The following EQTN variants were observed in gnomAD, a reference collection of about 807,000 sequenced individuals.
EQTN encodes the protein equatorin.
In EQTN, 29 loss-of-function variants were observed where a neutral mutation model predicts 26.9. The ratio of observed to expected loss-of-function variants is 1.08; its 90% CI spans 0.80 to 1.47. The LOEUF is 1.47. Ranked by LOEUF, EQTN falls within the 40% of genes most tolerant of loss-of-function variation. The pLI, the probability that EQTN is intolerant of heterozygous loss-of-function variation, is 0.00. For missense variants in EQTN, 391 were observed against 346.1 expected, an observed-to-expected ratio of 1.13 and a Z score of -1.03; for synonymous variants, 129 against 120.0, an observed-to-expected ratio of 1.07 and a Z score of -0.49.
At chr9:27,294,565 G>A (rs1820300263) in intron 2 of EQTN, 163 bp from the exon 3 acceptor site, 3 of 414,146 alleles carry the variant, frequency 7.2e-6, no homozygotes, top group Admixed American at 4.0e-5. Flanking sequence ...AGTGGGGCAA[G>A]GGTCAAATCT....
At chr9:27,285,030 CAGCTT>C in intron 7 of EQTN, 58 bp from the exon 8 acceptor site, 1 of 1,492,914 alleles carries the variant, frequency 6.7e-7, no homozygotes, top group Non-Finnish European at 9.0e-7. Context: ...ATTTGTAACT[CAGCTT>C]AGAAAAGCAT....
At chr9:27,292,517 T>G (rs775333584) in intron 3 of EQTN, 30 bp from the exon 4 acceptor site, 2 of 1,386,524 alleles carry the variant, frequency 1.4e-6, no homozygotes, top group Admixed American at 3.6e-5. Flanking sequence ...ATTATCAGCA[T>G]GTAAAAATAC....
At position 27,296,617 on chromosome 9, in the gene EQTN, T is replaced by C. The variant is rs1281683337; in HGVS notation, c.198A>G (p.Lys66=). The change falls in exon 2 of 8, where the codon AAA becomes AAG. Residue 66 remains lysine (K), a synonymous_variant. Transcript: ENST00000380032. ...CTATTCACTTTAAAGACTTACATTG[T>C]TTTATATCTTTATAATAATTGCCAT... ...EKNGNYYKDI[K]QYVFTTQNPN... 6 of 1,514,598 alleles carry C rather than the reference T, an allele frequency of 4.0e-6. No homozygotes were observed. The African/African-American group carries it at 6.8e-5, about 17-fold the overall frequency. 93.8% of individuals were successfully genotyped at this position (1,514,598 alleles called of 1,614,324 possible).
intron 6 of EQTN, among the ~76,000 whole-genome samples, chr9:27,288,506 TATTC>T (rs1474788832): frequency 4.6e-5 from 7 of 152,300 alleles, no homozygotes; most frequent in Non-Finnish European, 1.0e-4. Flanking sequence ...CCAGAAATCA[TATTC>T]ATAGGTATTT....
rs544842895 is a variant in EQTN at position 27,289,765 on chromosome 9, G to A, written c.422-34C>T. 131 of 1,552,588 alleles carry A rather than the reference G, an allele frequency of 8.4e-5. 1 individual carries two copies. The highest frequency in any genetic ancestry group is 7.4e-4 in the South Asian group (63 of 85,034). On this transcript the variant is annotated intron_variant, in intron 5 of 7. Coordinates refer to ENST00000380032, the MANE Select transcript of EQTN (RefSeq NM_020641.3). ...ACAAATTGGGGTTATGGTAAACAAC[G>A]TTCACTTACTAAAATTATTGCCTGT... is the stretch of plus-strand genomic sequence containing the variant.
At chr9:27,294,702 A>T (rs1025340437) in intron 2 of EQTN, among the ~76,000 whole-genome samples, 2 of 152,174 alleles carry the variant, frequency 1.3e-5, no homozygotes, top group African/African-American at 4.8e-5. Flanking sequence ...AGATTTGTAG[A>T]TGTGCAACAT....
intron 5 of EQTN, 44 bp downstream of exon 5, chr9:27,290,975 G>A (rs1180843464): frequency 1.4e-5 from 22 of 1,584,360 alleles, no homozygotes; most frequent in Non-Finnish European, 1.9e-5. Flanking sequence ...TAAGATTTTA[G>A]AAAACCAAAA....
rs1820078748 is a variant in EQTN at position 27,284,666 on chromosome 9, A to T, written c.*57T>A. ...ATAAAGAAAGGTCTTTTGATGACAA[A>T]ATAATTAAAGTTATTTATTCATCAA... On this transcript the variant is annotated 3_prime_UTR_variant, in exon 8 of 8. Coordinates refer to ENST00000380032, the MANE Select transcript of EQTN (RefSeq NM_020641.3). 1 of 1,551,582 alleles carries T rather than the reference A, an allele frequency of 6.4e-7. No individual in the cohort carries two copies. Among genetic ancestry groups the T allele is most frequent in the East Asian group, 2.3e-5 (1 of 44,418 alleles).
intron 2 of EQTN, among the ~76,000 whole-genome samples, chr9:27,294,666 T>G (rs1587116649): frequency 6.6e-6 from 1 of 152,174 alleles, no homozygotes; most frequent in South Asian, 2.1e-4. Context: ...GAAAAAAATA[T>G]GTAAGCACAT....
intron 2 of EQTN, 37 bp downstream of exon 2, chr9:27,296,576 T>A: frequency 1.5e-6 from 2 of 1,341,112 alleles, no homozygotes; most frequent in Non-Finnish European, 2.1e-6. Context: ...GATAATCAAC[T>A]TTTGCATATA....
chr9:27,290,763 G>A (rs2131307142), intron 5 of EQTN, among the ~76,000 whole-genome samples: 1 of 152,328 alleles, frequency 6.6e-6, no homozygotes, highest in South Asian at 2.1e-4. Context: ...GAATCTTATT[G>A]AAAAATTTTA....
chr9:27,287,011 A>G (rs1379151305), intron 6 of EQTN, among the ~76,000 whole-genome samples: 1 of 152,210 alleles, frequency 6.6e-6, no homozygotes, highest in Non-Finnish European at 1.5e-5. Flanking sequence ...AGAGATATCA[A>G]GAGTCTTTTT....
chr9:27,289,292 T>C (rs1025910246), intron 6 of EQTN, among the ~76,000 whole-genome samples: 1 of 152,206 alleles, frequency 6.6e-6, no homozygotes, highest in Admixed American at 6.5e-5. Flanking sequence ...AAAAGAATGC[T>C]TGGGAACTAT....
At chr9:27,285,614 G>C (rs1035302101) in intron 7 of EQTN, among the ~76,000 whole-genome samples, 3 of 152,174 alleles carry the variant, frequency 2.0e-5, no homozygotes, top group African/African-American at 7.2e-5. Context: ...TAGGATCACA[G>C]TTTTAATGGA....
intron 3 of EQTN, among the ~76,000 whole-genome samples, chr9:27,292,850 C>A (rs1820265762): frequency 6.6e-6 from 1 of 152,186 alleles, no homozygotes; most frequent in African/African-American, 2.4e-5. Context: ...TTGTCCAGAG[C>A]AGCTTGGCTG....
At chr9:27,285,359 G>T (rs1820099195) in intron 7 of EQTN, among the ~76,000 whole-genome samples, 1 of 151,930 alleles carries the variant, frequency 6.6e-6, no homozygotes, top group Non-Finnish European at 1.5e-5. Flanking sequence ...GGCCATGATG[G>T]TCTTGATTTC....
At position 27,296,748 on chromosome 9, in the gene EQTN, AG is replaced by A; in HGVS notation, c.77-11del. The stretch of plus-strand genomic sequence containing the variant: ...AGCACATTAGGCAATGCTAAAAAAA[AG>A]TATCACACACCATAGATCAGAAATA... On this transcript the variant is annotated splice_polypyrimidine_tract_variant and intron_variant, in intron 1 of 7. Coordinates refer to ENST00000380032, the MANE Select transcript of EQTN (RefSeq NM_020641.3). The A allele has an allele frequency of 1.2e-6, 2 of 1,600,806 alleles. No individual in the cohort carries two copies. Among genetic ancestry groups the A allele is most frequent in the Middle Eastern group, 3.3e-4 (2 of 6,008 alleles).
At chr9:27,294,476 T>C in intron 2 of EQTN, 74 bp from the exon 3 acceptor site, 1 of 872,868 alleles carries the variant, frequency 1.1e-6, no homozygotes, top group Non-Finnish European at 1.7e-6. Flanking sequence ...TTCCTCTGAG[T>C]TTTTTTCTTA....
chr9:27,295,142 T>A (rs781118288), intron 2 of EQTN, among the ~76,000 whole-genome samples: 3 of 152,216 alleles, frequency 2.0e-5, no homozygotes, highest in Non-Finnish European at 4.4e-5. Flanking sequence ...AGAATGTACA[T>A]GGGAAAAACT....
Sources: gnomAD v4.1 joint callset for allele counts (sites outside exome capture counted in the v4.1 genomes callset) on GRCh38, gnomAD v4.1.1 for gene constraint, MANE v1.5 for transcripts, NCBI Gene and HGNC (gene_info 2026-07-23, HGNC 2026-07-21) for gene names.